Variants in SLIT1 observed in about 807,000 individuals in gnomAD.
SLIT1 encodes slit homolog 1 protein.
Under a neutral mutation model 186.1 loss-of-function variants are expected in SLIT1, and 66 were observed. The ratio of observed to expected loss-of-function variants is 0.35; its 90% CI spans 0.29 to 0.44. The LOEUF is 0.44. SLIT1 is among the 20% of genes least tolerant of loss of function. The pLI, the probability that SLIT1 is intolerant of heterozygous loss-of-function variation, is 1.00. For missense variants in SLIT1, 1,638 were observed against 2,037.4 expected (o/e 0.80, Z 3.77); for synonymous variants, 761 against 833.8 (o/e 0.91, Z 1.50).
At chr10:97,074,801 C>G (rs1372359818) in intron 4 of SLIT1, among the ~76,000 whole-genome samples, 1 of 152,222 alleles carries the variant, frequency 6.6e-6, no homozygotes, top group Non-Finnish European at 1.5e-5. Context: ...CTCTGGCTGC[C>G]CCTCCTTCTG....
rs1848398662 is a variant in SLIT1, at chr10:97,010,205, A to G, written c.3341+788T>C. On this transcript the variant is annotated intron_variant, in intron 31 of 36. Coordinates refer to ENST00000266058, the MANE Select transcript of SLIT1 (RefSeq NM_003061.3). This position sits in a 1 kb window ranked among gnomAD's most constrained non-coding sequence, Gnocchi z 4.8. ...GGTAAACAAAATGTGGTATGTCCAT[A>G]CGGCAGAACACTGTTTAGCCATAAG... Among the ~76,000 whole-genome samples, 1 of 152,242 alleles carries G rather than the reference A, an allele frequency of 6.6e-6. No individual in the cohort carries two copies. The highest frequency in any genetic ancestry group is 1.5e-5 in the Non-Finnish European group (1 of 68,038).
intron 4 of SLIT1, among the ~76,000 whole-genome samples, chr10:97,086,185 A>C (rs1021443617): frequency 6.6e-6 from 1 of 152,246 alleles, no homozygotes; most frequent in Admixed American, 6.5e-5. Context: ...CTAACTGCTA[A>C]AACTTGGAAG....
intron 4 of SLIT1, among the ~76,000 whole-genome samples, chr10:97,151,780 T>C (rs1422931512): frequency 1.3e-5 from 2 of 152,128 alleles, no homozygotes; most frequent in Non-Finnish European, 2.9e-5. Flanking sequence ...ATCAGGTATA[T>C]CTGTAAGTTG....
chr10:97,008,141 G>C (rs1032849513), intron 31 of SLIT1, among the ~76,000 whole-genome samples: 1 of 152,152 alleles, frequency 6.6e-6, no homozygotes, highest in Non-Finnish European at 1.5e-5. Context: ...ACAGATTCCA[G>C]TAAAATGCTA....
chr10:97,049,194 C>A (rs542584607), intron 13 of SLIT1, 76 bp from the exon 14 acceptor site: 6 of 1,521,384 alleles, frequency 3.9e-6, no homozygotes, highest in Non-Finnish European at 5.3e-6. Flanking sequence ...GACAGGGCCT[C>A]GTTGTGGCTG....
chr10:97,113,557 G>GTT (rs61679099), intron 4 of SLIT1, among the ~76,000 whole-genome samples: 7 of 129,712 alleles, frequency 5.4e-5, no homozygotes, highest in African/African-American at 1.1e-4. Flanking sequence ...TTTCTTTTAG[G>GTT]TTTTTTTTTT....
chr10:97,143,313 A>G (rs1036643004), intron 4 of SLIT1, among the ~76,000 whole-genome samples: 2 of 152,348 alleles, frequency 1.3e-5, no homozygotes, highest in South Asian at 2.1e-4. Flanking sequence ...AATGTAAAGA[A>G]GTCCTGGCGC....
chr10:97,073,121 G>A (rs1268096496), intron 4 of SLIT1, among the ~76,000 whole-genome samples: 1 of 150,900 alleles, frequency 6.6e-6, no homozygotes, highest in Non-Finnish European at 1.5e-5. Flanking sequence ...TTTTCTTTTT[G>A]CTCCAACTGA....
intron 3 of SLIT1, among the ~76,000 whole-genome samples, chr10:97,160,738 T>G (rs1479938590): frequency 6.6e-6 from 1 of 152,220 alleles, no homozygotes; most frequent in Non-Finnish European, 1.5e-5. Context: ...TTGCTGTTTT[T>G]GAGACAGAGA....
rs564171839 is a variant in SLIT1 at position 97,004,675 on chromosome 10, G to T, written c.3710+18C>A. ...CCCGTACCCCTGAGGGCAGCTGGGG[G>T]GCATAAGGAAGCCCTACCTGTAGAT... On this transcript the variant is annotated intron_variant, in intron 33 of 36. Transcript: ENST00000266058. This position sits in a 1 kb window ranked among gnomAD's most constrained non-coding sequence, Gnocchi z 5.1. The T allele has an allele frequency of 6.2e-7, 1 of 1,613,960 alleles. No individual in the cohort carries two copies. Among genetic ancestry groups the T allele is most frequent in the Non-Finnish European group, 8.5e-7 (1 of 1,179,930 alleles).
At chr10:97,160,225 G>A (rs1850008554) in intron 3 of SLIT1, among the ~76,000 whole-genome samples, 1 of 152,174 alleles carries the variant, frequency 6.6e-6, no homozygotes, top group Non-Finnish European at 1.5e-5. Context: ...CTGCTCACAA[G>A]AACCAGTTAT....
At chr10:97,172,030 CA>C (rs1436609834) in intron 1 of SLIT1, among the ~76,000 whole-genome samples, 2 of 151,790 alleles carry the variant, frequency 1.3e-5, no homozygotes, top group Non-Finnish European at 2.9e-5. Flanking sequence ...TAGCATAAAT[CA>C]GAGCCAATTT....
intron 4 of SLIT1, among the ~76,000 whole-genome samples, chr10:97,123,328 T>C (rs374785505): frequency 3.8e-4 from 58 of 152,320 alleles, no homozygotes; most frequent in African/African-American, 1.3e-3. Context: ...TCAAAATTCC[T>C]GTGGAATGTA....
rs1219958196 is a variant in SLIT1, at chr10:97,043,106, C to T, written c.1998-39G>A. On this transcript the variant is annotated intron_variant, in intron 19 of 36. Coordinates refer to ENST00000266058, the MANE Select transcript of SLIT1 (RefSeq NM_003061.3). The surrounding 1 kb of genome is among the most constrained non-coding windows in gnomAD (Gnocchi z 7.0). The stretch of plus-strand genomic sequence containing the variant: ...GCCAGGCGGCCATGGAGACACTCTG[C>T]CCCTCTCAGAGGTCCCAGCAAACCC... The T allele has an allele frequency of 1.3e-6, 2 of 1,598,814 alleles. No homozygotes were observed. Among genetic ancestry groups the T allele is most frequent in the South Asian group, 1.1e-5 (1 of 88,414 alleles).
chr10:97,089,321 C>A (rs1849203805), intron 4 of SLIT1, among the ~76,000 whole-genome samples: 1 of 152,180 alleles, frequency 6.6e-6, no homozygotes, highest in Admixed American at 6.5e-5. Context: ...AGCTGGGAAG[C>A]CTTGGGACTT....
intron 13 of SLIT1, among the ~76,000 whole-genome samples, chr10:97,055,159 G>A (rs1848825406): frequency 6.6e-6 from 1 of 152,202 alleles, no homozygotes; most frequent in Non-Finnish European, 1.5e-5. Context: ...GGAGGTTGCA[G>A]TGAGCTGAGA....
chr10:97,047,220 A>C (rs769038256), intron 16 of SLIT1, among the ~76,000 whole-genome samples, 155 bp from the exon 17 acceptor site: 8 of 152,244 alleles, frequency 5.3e-5, no homozygotes, highest in African/African-American at 7.2e-5. Flanking sequence ...GGCTGGGCCT[A>C]GTACTGGGAG....
intron 4 of SLIT1, among the ~76,000 whole-genome samples, chr10:97,129,375 C>G (rs1481432035): frequency 1.0e-5 from 1 of 99,890 alleles, no homozygotes; most frequent in Non-Finnish European, 2.3e-5. Context: ...GACAGCAGGA[C>G]TGTGTCTCAA....
intron 4 of SLIT1, among the ~76,000 whole-genome samples, chr10:97,150,198 A>T (rs74696435): frequency 0.069 from 10,499 of 152,212 alleles, 576 homozygotes; most frequent in African/African-American, 0.16. Flanking sequence ...GTCTCGGGGC[A>T]TGGCTGGCTC....
Sources: allele counts gnomAD v4.1 joint callset (sites outside exome capture counted in the v4.1 genomes callset), GRCh38; gene constraint gnomAD v4.1.1; non-coding constraint Gnocchi (gnomAD v3.1); transcripts MANE v1.5; gene names NCBI Gene and HGNC (gene_info 2026-07-23, HGNC 2026-07-21).